ADCY2: variants seen among roughly 807,000 people sequenced by gnomAD.
ADCY2 encodes the protein adenylate cyclase type 2.
Under a neutral mutation model 125.2 loss-of-function variants are expected in ADCY2, and 31 were observed. The ratio of observed to expected loss-of-function variants is 0.25; its 90% confidence interval spans 0.19 to 0.33. The LOEUF (loss-of-function observed/expected upper bound fraction) is 0.33. Ranked by LOEUF, ADCY2 falls within the 10% of genes least tolerant of loss-of-function variation. The pLI is 1.00. For synonymous variants in ADCY2, 512 were observed against 548.4 expected (o/e 0.93, Z 0.93); for missense variants, 904 against 1,418.2 (o/e 0.64, Z 5.82).
In ADCY2 at chr5:7,520,734, G is replaced by T. The variant is rs368864708; in HGVS notation, c.409-4G>T. 6.2e-7 allele frequency: 1 copy of T among 1,614,036 alleles called. No individual in the cohort carries two copies. The highest frequency in any genetic ancestry group is 8.5e-7 in the Non-Finnish European group (1 of 1,179,972). ...CTCTTATTGTTCTTCTTCTCTGCCC[G>T]TAGGTATCGTTCTTCCTCTTCATCA... On this transcript the variant is annotated splice_region_variant and splice_polypyrimidine_tract_variant and intron_variant, in intron 2 of 24. Transcript: ENST00000338316.
chr5:7,430,574 G>GATATAA (rs1740559581), intron 2 of ADCY2, among the ~76,000 whole-genome samples: 1 of 148,032 alleles, frequency 6.8e-6, no homozygotes, highest in African/African-American at 2.5e-5. Context: ...TATATATAGT[G>GATATAA]TATATATATA....
At chr5:7,683,860 T>C (rs1740421522) in intron 4 of ADCY2, among the ~76,000 whole-genome samples, 1 of 152,338 alleles carries the variant, frequency 6.6e-6, no homozygotes, top group Non-Finnish European at 1.5e-5. Context: ...GCTACCACTT[T>C]TTCCTTCTTC....
chr5:7,596,626 C>T (rs1737014398), intron 3 of ADCY2, among the ~76,000 whole-genome samples: 1 of 152,200 alleles, frequency 6.6e-6, no homozygotes, highest in South Asian at 2.1e-4. Flanking sequence ...TTTTTCCTCA[C>T]ATCTTCATCT....
At chr5:7,729,054 G>T (rs749952051) in intron 14 of ADCY2, among the ~76,000 whole-genome samples, 1 of 151,990 alleles carries the variant, frequency 6.6e-6, no homozygotes, top group Non-Finnish European at 1.5e-5. Context: ...TATTTTTGTG[G>T]GTGCACACAG....
chr5:7,586,229 G>C (rs1736618970), intron 3 of ADCY2, among the ~76,000 whole-genome samples: 1 of 152,034 alleles, frequency 6.6e-6, no homozygotes, highest in African/African-American at 2.4e-5. Context: ...TTTTGTTCTG[G>C]CAAACCGATA....
At chr5:7,468,484 T>A (rs1296704933) in intron 2 of ADCY2, among the ~76,000 whole-genome samples, 1 of 152,196 alleles carries the variant, frequency 6.6e-6, no homozygotes, top group Non-Finnish European at 1.5e-5. Flanking sequence ...TTCATTTGTA[T>A]TGCCATTGAA....
intron 8 of ADCY2, among the ~76,000 whole-genome samples, chr5:7,707,322 G>A (rs1365334680): frequency 6.6e-6 from 1 of 152,164 alleles, no homozygotes; most frequent in African/African-American, 2.4e-5. Context: ...TTTATCAAGG[G>A]CTGTAGTTTA....
chr5:7,665,939 C>T (rs1340703398), intron 4 of ADCY2, among the ~76,000 whole-genome samples: 3 of 140,216 alleles, frequency 2.1e-5, no homozygotes, highest in Non-Finnish European at 3.0e-5. Flanking sequence ...CCCGGGTTCA[C>T]GCCATTCTCC....
intron 3 of ADCY2, among the ~76,000 whole-genome samples, chr5:7,597,503 A>C (rs1164763881): frequency 6.6e-6 from 1 of 152,232 alleles, no homozygotes; most frequent in Non-Finnish European, 1.5e-5. Flanking sequence ...GGCCAGGCGC[A>C]GTGGCTCACG....
intron 4 of ADCY2, among the ~76,000 whole-genome samples, chr5:7,659,757 G>A (rs906762095): frequency 2.6e-5 from 4 of 152,190 alleles, no homozygotes; most frequent in African/African-American, 9.7e-5. Flanking sequence ...GGAGTAGTTG[G>A]AAAACTCGAC....
At chr5:7,573,919 C>G (rs1579588017) in intron 3 of ADCY2, among the ~76,000 whole-genome samples, 1 of 98,036 alleles carries the variant, frequency 1.0e-5, no homozygotes, top group South Asian at 4.6e-4. Flanking sequence ...CCTCCCCCCA[C>G]CCCACAACAG....
intron 2 of ADCY2, among the ~76,000 whole-genome samples, chr5:7,470,929 T>C (rs1290100787): frequency 1.3e-5 from 2 of 151,874 alleles, no homozygotes; most frequent in Non-Finnish European, 3.0e-5. Flanking sequence ...TTTTGCTTTA[T>C]GAATTTTGAA....
At chr5:7,661,377 A>G (rs1739523825) in intron 4 of ADCY2, among the ~76,000 whole-genome samples, 1 of 152,190 alleles carries the variant, frequency 6.6e-6, no homozygotes, top group Non-Finnish European at 1.5e-5. Flanking sequence ...ATACTTGGCA[A>G]AAGCGAAAAA....
intron 4 of ADCY2, among the ~76,000 whole-genome samples, chr5:7,683,435 A>G (rs143584127): frequency 0.01 from 1,535 of 152,322 alleles, 18 homozygotes; most frequent in Non-Finnish European, 0.016. Flanking sequence ...AAAGTGGCTG[A>G]ACAATAGTGG....
intron 3 of ADCY2, among the ~76,000 whole-genome samples, chr5:7,566,559 A>G (rs1403534987): frequency 6.6e-6 from 1 of 152,080 alleles, no homozygotes; most frequent in East Asian, 1.9e-4. Flanking sequence ...GACTCATAGG[A>G]CACTCCCAAA....
intron 2 of ADCY2, among the ~76,000 whole-genome samples, chr5:7,459,881 G>A (rs540240253): frequency 1.4e-5 from 2 of 144,350 alleles, no homozygotes; most frequent in East Asian, 2.1e-4. Context: ...CTGCCTCCCG[G>A]GTTCACGCTA....
intron 2 of ADCY2, among the ~76,000 whole-genome samples, chr5:7,504,410 C>T (rs745311555): frequency 3.3e-5 from 5 of 152,088 alleles, no homozygotes; most frequent in Admixed American, 1.3e-4. Flanking sequence ...TGTGAAAATA[C>T]GCAGTGTGAA....
At chr5:7,676,073 T>G (rs1193538925) in intron 4 of ADCY2, among the ~76,000 whole-genome samples, 1 of 152,228 alleles carries the variant, frequency 6.6e-6, no homozygotes, top group Non-Finnish European at 1.5e-5. Context: ...AACAAGATAC[T>G]CTATTCTGTA....
chr5:7,617,533 C>G (rs987407336), intron 3 of ADCY2, among the ~76,000 whole-genome samples: 19 of 152,128 alleles, frequency 1.2e-4, no homozygotes, highest in African/African-American at 4.6e-4. Context: ...TTAGCAAAGC[C>G]CACTCCTTTT....
Sources: allele counts gnomAD v4.1 joint callset (sites outside exome capture counted in the v4.1 genomes callset), GRCh38; gene constraint gnomAD v4.1.1; transcripts MANE v1.5; gene names NCBI Gene and HGNC (gene_info 2026-07-23, HGNC 2026-07-21).